The following LUC7L variants were observed in gnomAD, a reference collection of about 807,000 sequenced individuals.
LUC7L encodes LUC7 like, also known as putative RNA-binding protein Luc7-like 1.
A neutral mutation model predicts 51.1 loss-of-function variants in LUC7L; 29 were observed. The observed-to-expected ratio is 0.57, with a 90% CI of 0.42 to 0.77. The LOEUF (loss-of-function observed/expected upper bound fraction) is 0.77. Among genes scored for constraint, LUC7L ranks in the 30% least tolerant of loss-of-function variants. LUC7L has a pLI of 0.00. For synonymous variants in LUC7L, 181 were observed against 180.7 expected (o/e 1.00, Z -0.01); for missense variants, 403 against 511.9 (o/e 0.79, Z 2.05).
At chr16:213,632 T>C (rs1438991383) in intron 3 of LUC7L, among the ~76,000 whole-genome samples, 1 of 152,144 alleles carries the variant, frequency 6.6e-6, no homozygotes, top group Non-Finnish European at 1.5e-5. Context: ...CTCGAACTCC[T>C]GACCTCATGC....
intron 5 of LUC7L, 116 bp from the exon 6 acceptor site, chr16:199,354 A>T (rs1299474621): frequency 3.0e-6 from 2 of 660,962 alleles, no homozygotes; most frequent in Non-Finnish European, 5.1e-6. Context: ...AACAAATATT[A>T]AAAAAACACA....
intron 3 of LUC7L, among the ~76,000 whole-genome samples, chr16:219,869 C>CAA (rs35408573): frequency 3.9e-4 from 45 of 115,494 alleles, no homozygotes; most frequent in Admixed American, 1.1e-3. Flanking sequence ...AACTCCGTCT[C>CAA]AAAAAAAAAA....
rs116208446 is a variant in LUC7L at position 212,918 on chromosome 16, T to C, written c.256-4730A>G. Among the ~76,000 whole-genome samples, 337 of 152,082 alleles carry C rather than the reference T, an allele frequency of 2.2e-3. 1 individual carries two copies. The highest frequency in any genetic ancestry group is 7.6e-3 in the African/African-American group (314 of 41,490). ...TCAGCCTCCAAAGCAGGTAGGACTA[T>C]AGGAACACGTCACTACACCCAGCTA... On this transcript the variant is annotated intron_variant, in intron 3 of 9. Coordinates refer to ENST00000293872, the MANE Select transcript of LUC7L (RefSeq NM_201412.3).
At chr16:226,005 C>A (rs917007655) in intron 2 of LUC7L, among the ~76,000 whole-genome samples, 1 of 152,076 alleles carries the variant, frequency 6.6e-6, no homozygotes, top group African/African-American at 2.4e-5. Flanking sequence ...TATGAAAATA[C>A]CCTACAGTGA....
At chr16:193,655 C>T (rs1195327529) in intron 6 of LUC7L, among the ~76,000 whole-genome samples, 6 of 151,824 alleles carry the variant, frequency 4.0e-5, no homozygotes, top group Non-Finnish European at 4.4e-5. Context: ...CCAGCACGGC[C>T]GGCTAATTTT....
chr16:220,541 C>A, intron 3 of LUC7L, 108 bp downstream of exon 3: 1 of 801,316 alleles, frequency 1.2e-6, no homozygotes, highest in Non-Finnish European at 2.1e-6. Flanking sequence ...GGATAACAAG[C>A]AACTACCTTA....
chr16:189,944 T>C, intron 9 of LUC7L, 24 bp downstream of exon 9: 1 of 1,594,790 alleles, frequency 6.3e-7, no homozygotes, highest in Non-Finnish European at 8.6e-7. Flanking sequence ...TGGTTGCAGC[T>C]ACCGAAGGAG....
intron 6 of LUC7L, among the ~76,000 whole-genome samples, chr16:196,766 A>G (rs2049160085): frequency 6.6e-6 from 1 of 151,916 alleles, no homozygotes; most frequent in Non-Finnish European, 1.5e-5. Context: ...GACTTAAGTG[A>G]TCCGCCCTCC....
At chr16:204,786 T>C (rs2049435380) in intron 5 of LUC7L, among the ~76,000 whole-genome samples, 2 of 152,166 alleles carry the variant, frequency 1.3e-5, no homozygotes, top group South Asian at 4.1e-4. Flanking sequence ...TTTCTTGTAA[T>C]ATCATGGCTG....
chr16:207,114 G>T (rs1419048206), intron 4 of LUC7L, among the ~76,000 whole-genome samples: 1 of 151,744 alleles, frequency 6.6e-6, no homozygotes, highest in Non-Finnish European at 1.5e-5. Flanking sequence ...CAGGAGAATG[G>T]CGTAAACCCA....
chr16:220,852 T>G, intron 2 of LUC7L, 105 bp from the exon 3 acceptor site: 3 of 718,532 alleles, frequency 4.2e-6, no homozygotes, highest in Non-Finnish European at 7.4e-6. Context: ...TGATCACTTT[T>G]GGAACACTGA....
At chr16:214,651 C>G (rs905664472) in intron 3 of LUC7L, among the ~76,000 whole-genome samples, 1 of 152,138 alleles carries the variant, frequency 6.6e-6, no homozygotes. Flanking sequence ...CTCAGCCCCT[C>G]GAGTAGCTGG....
intron 1 of LUC7L, 145 bp downstream of exon 1, chr16:229,134 G>A: frequency 7.1e-7 from 1 of 1,405,158 alleles, no homozygotes; most frequent in Non-Finnish European, 9.2e-7. Flanking sequence ...CAAAGGCCCG[G>A]CGCCTGCGGT....
intron 2 of LUC7L, among the ~76,000 whole-genome samples, chr16:226,482 T>C (rs1364546606): frequency 6.6e-6 from 1 of 152,226 alleles, no homozygotes; most frequent in African/African-American, 2.4e-5. Context: ...TCTGTTTTGT[T>C]CATCTGAAGT....
rs774775495 is a variant in LUC7L at position 190,061 on chromosome 16, C to A, written c.881G>T (p.Arg294Leu). ...SRERRKLSRS[R>L]SRDRHRRHRS... ...GTGGCGCCGATGTCTATCTCGGGAC[C>A]GGGACCGGGACAATTTCCGTCGCTC... is the stretch of plus-strand genomic sequence containing the variant. Residue 294 changes from arginine (R) to leucine (L), a missense_variant, in exon 9 of 10, where the codon CGG (arginine) becomes CTG (leucine). Transcript: ENST00000293872. 2 of 1,613,662 alleles carry A rather than the reference C, an allele frequency of 1.2e-6. No individual in the cohort carries two copies. The highest frequency in any genetic ancestry group is 1.1e-5 in the South Asian group (1 of 91,072).
rs771471854 is a variant in LUC7L, at chr16:208,097, C to T, written c.347G>A (p.Ser116Asn). 6.2e-7 allele frequency: 1 copy of T among 1,613,090 alleles called. No individual in the cohort carries two copies. Among genetic ancestry groups the T allele is most frequent in the East Asian group, 2.2e-5 (1 of 44,848 alleles). Residue 116 changes from serine to asparagine, a missense_variant, in exon 4 of 10, where the codon AGT becomes AAT. Physicochemically the swap from Ser to Asn is conservative, Grantham distance 46. This residue lies in a region of LUC7L where 182 missense variants were observed against 248.4 expected (regional missense o/e 0.73). Coordinates refer to ENST00000293872, the MANE Select transcript of LUC7L (RefSeq NM_201412.3). Reference sequence around the variant, plus strand: ...GCATACCTTTGCAGAAACTTCCGCACTGATTTCCTCCTGTGTTTCTGCCAG... The same window carrying T: ...GCATACCTTTGCAGAAACTTCCGCATTGATTTCCTCCTGTGTTTCTGCCAG... ...KRLAETQEEI[S>N]AEVSAKAEKV...
intron 3 of LUC7L, among the ~76,000 whole-genome samples, chr16:218,950 A>G (rs1244077373): frequency 2.5e-5 from 3 of 121,070 alleles, no homozygotes; most frequent in African/African-American, 8.7e-5. Flanking sequence ...AAAAAAAAAA[A>G]AGGCCGGGTG....
intron 4 of LUC7L, 141 bp from the exon 5 acceptor site, chr16:206,288 T>C (rs945710694): frequency 9.1e-6 from 7 of 770,884 alleles, no homozygotes; most frequent in Non-Finnish European, 1.5e-5. Context: ...AAGGCATCCT[T>C]ACTGCCAGCA....
chr16:225,589 T>C (rs1442523816), intron 2 of LUC7L, among the ~76,000 whole-genome samples: 2 of 146,630 alleles, frequency 1.4e-5, no homozygotes, highest in Non-Finnish European at 1.5e-5. Flanking sequence ...CGGGTTCAAG[T>C]GACTCTCCTG....
Sources: allele counts gnomAD v4.1 joint callset (sites outside exome capture counted in the v4.1 genomes callset), GRCh38; gene constraint gnomAD v4.1.1; regional missense constraint gnomAD v4.1.1; transcripts MANE v1.5; gene names NCBI Gene and HGNC (gene_info 2026-07-23, HGNC 2026-07-21).